CYP3A43: variants seen among roughly 807,000 people sequenced by gnomAD.
The protein encoded by CYP3A43 is cytochrome P450 3A43.
CYP3A43 carries 45 observed loss-of-function variants against 58.0 expected under a neutral mutation model. The observed-to-expected ratio is 0.78, with a 90% CI of 0.61 to 0.99. The LOEUF is 0.99. CYP3A43 is among the 50% of genes least tolerant of loss of function. CYP3A43 has a pLI of 0.00. For synonymous variants in CYP3A43, 191 were observed against 201.4 expected, an observed-to-expected ratio of 0.95 and a Z score of 0.44; for missense variants, 593 against 591.9, an observed-to-expected ratio of 1.00 and a Z score of -0.02.
At position 99,839,146 on chromosome 7, in the gene CYP3A43, T is replaced by C; in HGVS notation, c.192T>C (p.Cys64=). 1 of 1,614,168 alleles carries C rather than the reference T, an allele frequency of 6.2e-7. No individual in the cohort carries two copies. Among genetic ancestry groups the C allele is most frequent in the Non-Finnish European group, 8.5e-7 (1 of 1,180,002 alleles). The change falls in exon 3 of 13, where the codon TGT becomes TGC. Residue 64 remains cysteine (C), a synonymous_variant. Transcript: ENST00000354829. Reference sequence around the variant, plus strand: ...GTCTTTGGAATTTTGACAGAGAATGTAATGAAAAATACGGAGAAATGTGGG... The same window carrying C: ...GTCTTTGGAATTTTGACAGAGAATGCAATGAAAAATACGGAGAAATGTGGG... ...LRGLWNFDRE[C]NEKYGEMWGL...
At chr7:99,831,627 A>T (rs531829439) in intron 1 of CYP3A43, among the ~76,000 whole-genome samples, 2 of 152,296 alleles carry the variant, frequency 1.3e-5, no homozygotes, top group South Asian at 2.1e-4. Flanking sequence ...CCTGCAATTG[A>T]TGGAGTTCAC....
chr7:99,864,029 G>A (rs1360136750), intron 12 of CYP3A43, among the ~76,000 whole-genome samples: 1 of 148,712 alleles, frequency 6.7e-6, no homozygotes, highest in African/African-American at 2.6e-5. Flanking sequence ...GAAGTGCAAT[G>A]ATTACTTTGT....
At chr7:99,856,006 A>T (rs1048580454) in intron 8 of CYP3A43, among the ~76,000 whole-genome samples, 10 of 152,250 alleles carry the variant, frequency 6.6e-5, no homozygotes, top group African/African-American at 2.2e-4. Flanking sequence ...GTAAATTGTC[A>T]ATAAATTTGA....
intron 10 of CYP3A43, among the ~76,000 whole-genome samples, chr7:99,860,954 A>G (rs1040401687): frequency 1.3e-5 from 2 of 151,294 alleles, no homozygotes; most frequent in Non-Finnish European, 2.9e-5. Context: ...GCTCACTGCT[A>G]CCTCCGCCTC....
chr7:99,864,301 A>C (rs1022191880), intron 12 of CYP3A43, among the ~76,000 whole-genome samples: 1 of 149,034 alleles, frequency 6.7e-6, no homozygotes, highest in Non-Finnish European at 1.5e-5. Flanking sequence ...AAAGATACTT[A>C]CAGTCCAAGG....
intron 7 of CYP3A43, among the ~76,000 whole-genome samples, chr7:99,855,200 T>C (rs190672072): frequency 1.3e-3 from 194 of 152,322 alleles, no homozygotes; most frequent in African/African-American, 4.5e-3. Flanking sequence ...TTGAAGGACA[T>C]TTGCCGTATT....
intron 2 of CYP3A43, chr7:99,838,886 A>G: frequency 3.5e-6 from 2 of 569,262 alleles, no homozygotes; most frequent in Non-Finnish European, 6.0e-6. Context: ...AGGCTGAGGC[A>G]GGAGAAGAGC....
In CYP3A43 at chr7:99,849,886, C is replaced by T. The variant is rs1244992811; in HGVS notation, c.670+192C>T. 4.4e-6 allele frequency: 3 copies of T among 676,102 alleles called. No individual in the cohort carries two copies. The Admixed American group carries it at 7.7e-5, about 17-fold the overall frequency. The allele number at this position is 676,102 out of a possible 1,614,324, so 41.9% of individuals were successfully genotyped here. On this transcript the variant is annotated intron_variant, in intron 7 of 12. Coordinates refer to ENST00000354829, the MANE Select transcript of CYP3A43 (RefSeq NM_057095.3). ...AACTTCTGGACATTTTTGTAAACTTCTGAACATTTTTTGTAAACTCAGAAA... is the reference window on the plus strand; with the variant it reads ...AACTTCTGGACATTTTTGTAAACTTTTGAACATTTTTTGTAAACTCAGAAA...
At chr7:99,842,281 A>G (rs1817363040) in intron 3 of CYP3A43, among the ~76,000 whole-genome samples, 1 of 152,122 alleles carries the variant, frequency 6.6e-6, no homozygotes, top group Non-Finnish European at 1.5e-5. Flanking sequence ...AATTTTTGCC[A>G]TTTTAATAAA....
intron 3 of CYP3A43, 141 bp from the exon 4 acceptor site, chr7:99,844,001 CT>C (rs1298812008): frequency 8.0e-6 from 5 of 621,928 alleles, no homozygotes; most frequent in African/African-American, 3.7e-5. Context: ...CCTAATTGAC[CT>C]TGGAGCTGGC....
intron 9 of CYP3A43, 72 bp downstream of exon 9, chr7:99,856,971 A>G (rs1818006917): frequency 2.0e-6 from 3 of 1,514,278 alleles, no homozygotes; most frequent in Non-Finnish European, 1.8e-6. Flanking sequence ...GAAAATGTGC[A>G]GAAAGTTTTC....
chr7:99,865,552 C>T (rs1203558772), intron 12 of CYP3A43, among the ~76,000 whole-genome samples: 1 of 148,640 alleles, frequency 6.7e-6, no homozygotes, highest in Admixed American at 6.6e-5. Flanking sequence ...CTTTATATGG[C>T]TTTTCCAAAA....
intron 1 of CYP3A43, among the ~76,000 whole-genome samples, chr7:99,830,954 A>G (rs1371351533): frequency 2.0e-5 from 3 of 152,200 alleles, no homozygotes; most frequent in African/African-American, 4.8e-5. Context: ...TCTTCATTCA[A>G]CTTCCAATTT....
intron 5 of CYP3A43, 148 bp downstream of exon 5, chr7:99,847,749 T>C (rs1817591446): frequency 1.9e-5 from 24 of 1,271,970 alleles, no homozygotes; most frequent in Non-Finnish European, 2.5e-5. Flanking sequence ...CAGTGGCTCA[T>C]GCCTGTAATC....
At chr7:99,865,173 G>A (rs1436710755) in intron 12 of CYP3A43, among the ~76,000 whole-genome samples, 1 of 148,402 alleles carries the variant, frequency 6.7e-6, no homozygotes, top group Non-Finnish European at 1.5e-5. Flanking sequence ...AATTTCCCAA[G>A]CATCTACTAG....
At chr7:99,836,033 G>T (rs1417042343) in intron 1 of CYP3A43, among the ~76,000 whole-genome samples, 1 of 152,138 alleles carries the variant, frequency 6.6e-6, no homozygotes, top group African/African-American at 2.4e-5. Context: ...AGCAGAGCTT[G>T]CAGGAATCCC....
chr7:99,852,712 C>T (rs1293570332), intron 7 of CYP3A43, among the ~76,000 whole-genome samples: 2 of 152,082 alleles, frequency 1.3e-5, no homozygotes, highest in Non-Finnish European at 2.9e-5. Context: ...GAGAGGTATC[C>T]TTGTCTCATT....
At chr7:99,855,026 G>A (rs1414569531) in intron 7 of CYP3A43, among the ~76,000 whole-genome samples, 2 of 150,950 alleles carry the variant, frequency 1.3e-5, no homozygotes, top group Non-Finnish European at 2.9e-5. Context: ...GGGACTACAG[G>A]CACATGCCAC....
At chr7:99,845,351 C>T (rs947275737) in intron 4 of CYP3A43, among the ~76,000 whole-genome samples, 1 of 151,718 alleles carries the variant, frequency 6.6e-6, no homozygotes, top group African/African-American at 2.4e-5. Context: ...GAGACAGAGT[C>T]TCGCTCTGTC....
Sources: allele counts gnomAD v4.1 joint callset (sites outside exome capture counted in the v4.1 genomes callset), GRCh38; gene constraint gnomAD v4.1.1; transcripts MANE v1.5; gene names NCBI Gene and HGNC (gene_info 2026-07-23, HGNC 2026-07-21).